Variants in AP1G1 observed in about 807,000 individuals in gnomAD.
AP1G1 encodes adaptor related protein complex 1 subunit gamma 1, also known as AP-1 complex subunit gamma-1.
A neutral mutation model predicts 108.3 loss-of-function variants in AP1G1; 7 were observed. The ratio of observed to expected loss-of-function variants is 0.06; its 90% CI spans 0.04 to 0.12. AP1G1 has a LOEUF of 0.12. AP1G1 is among the 10% of genes least tolerant of loss of function. AP1G1 has a pLI of 1.00. For missense variants in AP1G1, 756 were observed against 1,010.7 expected (o/e 0.75, Z 3.42); for synonymous variants, 379 against 353.5 (o/e 1.07, Z -0.81).
chr16:71,795,761 T>G (rs976003121), intron 1 of AP1G1, among the ~76,000 whole-genome samples: 9 of 152,248 alleles, frequency 5.9e-5, no homozygotes, highest in Admixed American at 1.3e-4. Context: ...ATTACACTGA[T>G]CTAGCCTAGC....
rs2030123905 is a variant in AP1G1 at position 71,745,458 on chromosome 16, TG to T, written c.1872+14del. ...TCGTAAGAAGCCCCAGATGAGCAAG[TG>T]AAAGGCTGGCTACCTGGCTGGTGGG... On this transcript the variant is annotated intron_variant, in intron 18 of 22. Transcript: ENST00000299980. 3 of 1,613,910 alleles carry T rather than the reference TG, an allele frequency of 1.9e-6. No individual in the cohort carries two copies. The highest frequency in any genetic ancestry group is 1.7e-5 in the Admixed American group (1 of 60,002).
chr16:71,803,691 A>G (rs1054275848), intron 1 of AP1G1, among the ~76,000 whole-genome samples: 2 of 152,124 alleles, frequency 1.3e-5, no homozygotes, highest in African/African-American at 4.8e-5. Flanking sequence ...TTGGGAGGCC[A>G]AGGCTGGTGG....
chr16:71,781,131 T>C (rs1031442864), intron 2 of AP1G1, among the ~76,000 whole-genome samples: 1 of 152,184 alleles, frequency 6.6e-6, no homozygotes, highest in Non-Finnish European at 1.5e-5. Flanking sequence ...TTCTTTTTAA[T>C]ATTCAGAAAT....
At chr16:71,756,246 G>A (rs2030777582) in intron 11 of AP1G1, 87 bp from the exon 12 acceptor site, 2 of 1,249,362 alleles carry the variant, frequency 1.6e-6, no homozygotes, top group South Asian at 1.6e-5. Flanking sequence ...TGAACACCAA[G>A]TACTGCCAGA....
At chr16:71,779,250 C>A (rs1010406321) in intron 2 of AP1G1, among the ~76,000 whole-genome samples, 2 of 151,780 alleles carry the variant, frequency 1.3e-5, no homozygotes, top group Non-Finnish European at 2.9e-5. Flanking sequence ...GGGTCACCGC[C>A]CCCACCCCAC....
rs759636117 is a variant in AP1G1, at chr16:71,765,565, C to T, written c.662G>A (p.Arg221His). ...GGACATGATGAGGTTCTTTAAAATACGAACTAATTGGGGCACAAGCTGCAG... is the reference window on the plus strand; with the variant it reads ...GGACATGATGAGGTTCTTTAAAATATGAACTAATTGGGGCACAAGCTGCAG... ...HFRKLVPQLV[R>H]ILKNLIMSGY... Residue 221 changes from arginine (R) to histidine (H), a missense_variant, in exon 7 of 23, where the codon CGT becomes CAT. By Grantham distance (29) the Arg-to-His change is conservative (BLOSUM62 0). Around this residue, in one of 3 missense-constraint regions of AP1G1, gnomAD observed 304 missense variants for 483.6 expected, o/e 0.63. Transcript: ENST00000299980. 10 of 1,612,704 alleles carry T rather than the reference C, an allele frequency of 6.2e-6. No individual in the cohort carries two copies. The highest frequency in any genetic ancestry group is 3.3e-5 in the Admixed American group (2 of 59,950).
At position 71,750,237 on chromosome 16, in the gene AP1G1, G is replaced by A; in HGVS notation, c.1380C>T (p.Tyr460=). The stretch of plus-strand genomic sequence containing the variant: ...GAGAATAATCACCAAGAATTGCTTT[G>A]TACAGGCGCTGGACAGTATAGGCAT... ...EMHAYTVQRL[Y]KAILGDYSQQ... The change falls in exon 14 of 23, where the codon TAC becomes TAT. Residue 460 remains tyrosine (Y), a synonymous_variant. Coordinates refer to ENST00000299980, the MANE Select transcript of AP1G1 (RefSeq NM_001128.6). 6.2e-7 allele frequency: 1 copy of A among 1,614,048 alleles called. No individual in the cohort carries two copies. The highest frequency in any genetic ancestry group is 1.7e-4 in the Middle Eastern group (1 of 6,044).
intron 9 of AP1G1, among the ~76,000 whole-genome samples, chr16:71,763,256 T>C (rs970862753): frequency 6.6e-6 from 1 of 152,170 alleles, no homozygotes; most frequent in African/African-American, 2.4e-5. Context: ...GAGTAAAAAG[T>C]AGAAAAAACA....
chr16:71,785,599 A>C (rs2032173133), intron 2 of AP1G1, among the ~76,000 whole-genome samples: 1 of 136,196 alleles, frequency 7.3e-6, no homozygotes, highest in South Asian at 2.4e-4. Flanking sequence ...AAAAAAAAAA[A>C]GTGGGCTGGG....
At chr16:71,784,020 A>T (rs1455178318) in intron 2 of AP1G1, among the ~76,000 whole-genome samples, 1 of 152,182 alleles carries the variant, frequency 6.6e-6, no homozygotes, top group Non-Finnish European at 1.5e-5. Context: ...CAGGAAATCT[A>T]TCACCACTTT....
intron 17 of AP1G1, among the ~76,000 whole-genome samples, chr16:71,746,117 C>T (rs936272636): frequency 1.3e-5 from 2 of 152,104 alleles, no homozygotes; most frequent in Non-Finnish European, 2.9e-5. Flanking sequence ...TCAAATGATT[C>T]TCCTGCTTCA....
chr16:71,774,498 A>G lies in AP1G1; in HGVS notation c.296T>C (p.Val99Ala), dbSNP rs745889361. The G allele has an allele frequency of 8.7e-6, 14 of 1,603,314 alleles. No homozygotes were observed. The highest frequency in any genetic ancestry group is 1.0e-5 in the Non-Finnish European group (12 of 1,177,534). Reference protein sequence around the residue: ...AMLLLDERQDVHLLMTNCIKN... With the variant: ...AMLLLDERQDAHLLMTNCIKN... Reference sequence around the variant, plus strand: ...GATACAGTTGGTCATGAGAAGATGGACATCTTGTCTTTCATCTAACAGCAG... The same window carrying G: ...GATACAGTTGGTCATGAGAAGATGGGCATCTTGTCTTTCATCTAACAGCAG... The change falls in exon 3 of 23, where the codon GTC (valine) becomes GCC (alanine). Residue 99 changes from valine (V) to alanine (A), a missense_variant. Around this residue, in one of 3 missense-constraint regions of AP1G1, gnomAD observed 304 missense variants for 483.6 expected, o/e 0.63. Coordinates refer to ENST00000299980, the MANE Select transcript of AP1G1 (RefSeq NM_001128.6).
At chr16:71,790,824 CAG>C (rs1340714524) in intron 1 of AP1G1, among the ~76,000 whole-genome samples, 22 of 152,284 alleles carry the variant, frequency 1.4e-4, no homozygotes, top group African/African-American at 5.3e-4. Context: ...ACAGGTTAAA[CAG>C]AGAGACTTCA....
At chr16:71,754,056 C>T (rs1383534898) in intron 12 of AP1G1, among the ~76,000 whole-genome samples, 169 bp from the exon 13 acceptor site, 2 of 151,884 alleles carry the variant, frequency 1.3e-5, no homozygotes, top group African/African-American at 4.8e-5. Context: ...CTGGGCAACA[C>T]GGTGAAACTC....
chr16:71,745,375 C>T, intron 18 of AP1G1, 98 bp downstream of exon 18: 1 of 1,601,724 alleles, frequency 6.2e-7, no homozygotes, highest in Non-Finnish European at 8.5e-7. Flanking sequence ...AAATCATCAA[C>T]CAACCCAGGA....
chr16:71,771,536 AGAG>A (rs2031572335), intron 4 of AP1G1, among the ~76,000 whole-genome samples: 1 of 152,196 alleles, frequency 6.6e-6, no homozygotes, highest in Admixed American at 6.5e-5. Context: ...AAAAAAATTA[AGAG>A]GAGAGAAAAT....
At chr16:71,780,020 G>A (rs1245910502) in intron 2 of AP1G1, among the ~76,000 whole-genome samples, 1 of 138,500 alleles carries the variant, frequency 7.2e-6, no homozygotes, top group African/African-American at 2.8e-5. Context: ...TTGAGACGAA[G>A]TCTGGCTCTG....
intron 19 of AP1G1, chr16:71,742,727 T>A (rs923479358): frequency 6.6e-6 from 1 of 152,192 alleles, no homozygotes; most frequent in Admixed American, 6.5e-5. Flanking sequence ...CCCAGCACTT[T>A]GGGAGGCCAA....
chr16:71,736,117 AATATAT>A (rs1306238313), intron 21 of AP1G1, among the ~76,000 whole-genome samples: 1,183 of 71,290 alleles, frequency 0.017, 49 homozygotes, highest in Non-Finnish European at 0.022. Flanking sequence ...AAAAAAAAAA[AATATAT>A]ATATATATAT....
Sources: allele counts gnomAD v4.1 joint callset (sites outside exome capture counted in the v4.1 genomes callset), GRCh38; gene constraint gnomAD v4.1.1; regional missense constraint gnomAD v4.1.1; transcripts MANE v1.5; gene names NCBI Gene and HGNC (gene_info 2026-07-23, HGNC 2026-07-21).